GC: variants seen among roughly 807,000 people sequenced by gnomAD.
The protein encoded by GC is vitamin D-binding protein.
In GC, 43 loss-of-function variants were observed where a neutral mutation model predicts 56.7. That is an observed-to-expected ratio of 0.76 (90% CI 0.59 to 0.98). The LOEUF is 0.98. GC is among the 50% of genes least tolerant of loss of function. The pLI, the probability that GC is intolerant of heterozygous loss-of-function variation, is 0.00. For synonymous variants in GC, 216 were observed against 202.7 expected (o/e 1.07, Z -0.56); for missense variants, 529 against 545.9 (o/e 0.97, Z 0.31).
chr4:71,761,230 G>A (rs1325625605), intron 6 of GC, among the ~76,000 whole-genome samples: 1 of 152,204 alleles, frequency 6.6e-6, no homozygotes. Flanking sequence ...GGGAACTGGA[G>A]CAAAGGTGAC....
At chr4:71,787,043 A>G (rs1329133592), upstream of GC, among the ~76,000 whole-genome samples, 1 of 151,890 alleles carries the variant, frequency 6.6e-6, no homozygotes, top group Admixed American at 6.6e-5. Context: ...GCTATGATTG[A>G]CTTCCATGAG....
In GC at chr4:71,763,475, G is replaced by C. The variant is rs759177236; in HGVS notation, c.634C>G (p.Leu212Val). 5 of 1,603,578 alleles carry C rather than the reference G, an allele frequency of 3.1e-6. No individual in the cohort carries two copies. Among genetic ancestry groups the C allele is most frequent in the Non-Finnish European group, 4.3e-6 (5 of 1,170,838 alleles). Residue 212 changes from leucine to valine, a missense_variant, in exon 6 of 13, where the codon CTC (leucine) becomes GTC (valine). Leu to Val is a conservative substitution (Grantham distance 32, BLOSUM62 1). Coordinates refer to ENST00000273951, the MANE Select transcript of GC (RefSeq NM_000583.4). ...CAGACTCTATTTGACAGAGTGGTGA[G>C]AAGTGATAAATGTTTAAGCTGGAGT... ...ERLQLKHLSL[L>V]TTLSNRVCSQ...
At chr4:71,760,689 C>A (rs1426581836) in intron 6 of GC, among the ~76,000 whole-genome samples, 1 of 152,150 alleles carries the variant, frequency 6.6e-6, no homozygotes, top group Non-Finnish European at 1.5e-5. Flanking sequence ...GTGGGAGAAA[C>A]CTGGTGGGAG....
chr4:71,746,279 A>G (rs1741360609), intron 11 of GC, 74 bp from the exon 12 acceptor site: 1 of 686,236 alleles, frequency 1.5e-6, no homozygotes, highest in African/African-American at 1.9e-5. Context: ...TGCAGAAGGT[A>G]TACAAAATCT....
At chr4:71,783,845 C>T in intron 1 of GC, 116 bp downstream of exon 1, 1 of 679,282 alleles carries the variant, frequency 1.5e-6, no homozygotes, top group Middle Eastern at 3.1e-4. Flanking sequence ...TTATCCCTCT[C>T]CCCAACATAT....
At chr4:71,797,409 C>G (rs1373307640) in intron 1 of GC, among the ~76,000 whole-genome samples, 1 of 152,262 alleles carries the variant, frequency 6.6e-6, no homozygotes, top group Non-Finnish European at 1.5e-5. Flanking sequence ...GACACCCCTC[C>G]TCCCGCTCAG....
chr4:71,782,897 T>C (rs555881129), intron 1 of GC, among the ~76,000 whole-genome samples: 1 of 151,680 alleles, frequency 6.6e-6, no homozygotes, highest in African/African-American at 2.4e-5. Context: ...TTTTATACCC[T>C]ATGCTGTCTG....
intron 11 of GC, among the ~76,000 whole-genome samples, chr4:71,746,804 AT>A (rs1277632236): frequency 7.0e-6 from 1 of 141,980 alleles, no homozygotes; most frequent in East Asian, 2.1e-4. Flanking sequence ...AACTACTTTA[AT>A]TTGGAGGCAA....
Position 71,768,395 on chromosome 4 carries a change from G to C in GC, c.167C>G (p.Thr56Arg). Residue 56 changes from threonine (T) to arginine (R), a missense_variant, in exon 3 of 13, where the codon ACG becomes AGG. Transcript: ENST00000273951. Reference protein sequence around the residue: ...VLYSRKFPSGTFEQVSQLVKE... With the variant: ...VLYSRKFPSGRFEQVSQLVKE... ...CACAAGTTGGCTGACCTGTTCAAAC[G>C]TGCCACTGGGAAATTTTCTACTGTA... 1 of 1,613,264 alleles carries C rather than the reference G, an allele frequency of 6.2e-7. No homozygotes were observed. The highest frequency in any genetic ancestry group is 1.7e-5 in the Admixed American group (1 of 59,954).
Position 71,755,036 on chromosome 4 carries a change from A to C in GC, c.1106T>G (p.Leu369Arg). ...ATCACAGCATTCACCAAGGCTTTTT[A>C]GGGTTGGCTCAAGTACCTTACTGAG... ...VFLSKVLEPTLKSLGECCDVE... is the reference protein window; with the variant it reads ...VFLSKVLEPTRKSLGECCDVE... The change falls in exon 9 of 13, where the codon CTA becomes CGA. Residue 369 changes from leucine (L) to arginine (R), a missense_variant. Physicochemically the swap from Leu to Arg is moderately radical, Grantham distance 102. Coordinates refer to ENST00000273951, the MANE Select transcript of GC (RefSeq NM_000583.4). 2 of 1,600,786 alleles carry C rather than the reference A, an allele frequency of 1.2e-6. No individual in the cohort carries two copies. Among genetic ancestry groups the C allele is most frequent in the Non-Finnish European group, 1.7e-6 (2 of 1,172,052 alleles).
At chr4:71,760,126 CT>C (rs1301188324) in intron 6 of GC, among the ~76,000 whole-genome samples, 2 of 150,002 alleles carry the variant, frequency 1.3e-5, no homozygotes, top group African/African-American at 4.9e-5. Flanking sequence ...TTACTGCAAG[CT>C]CTGCCTCCCA....
At chr4:71,756,306 C>T (rs960755666) in intron 8 of GC, among the ~76,000 whole-genome samples, 2 of 152,134 alleles carry the variant, frequency 1.3e-5, no homozygotes, top group African/African-American at 4.8e-5. Context: ...TATGTGTTTT[C>T]ACATTTACTT....
intron 1 of GC, among the ~76,000 whole-genome samples, chr4:71,799,382 C>G (rs1200944176): frequency 2.0e-5 from 3 of 152,160 alleles, no homozygotes; most frequent in Non-Finnish European, 1.5e-5. Flanking sequence ...CCTTTCTTCT[C>G]CTGCCCTCAC....
intron 9 of GC, 62 bp from the exon 10 acceptor site, chr4:71,754,570 C>T (rs1198180103): frequency 3.4e-6 from 3 of 872,928 alleles, no homozygotes; most frequent in Admixed American, 4.6e-5. Context: ...CCCATCAAGC[C>T]ATTAAATCAA....
At chr4:71,795,388 A>C (rs1743072551) in intron 1 of GC, among the ~76,000 whole-genome samples, 1 of 152,148 alleles carries the variant, frequency 6.6e-6, no homozygotes, top group South Asian at 2.1e-4. Context: ...CTTCTTATTG[A>C]GTTAATACCT....
intron 1 of GC, among the ~76,000 whole-genome samples, chr4:71,770,555 C>T (rs222020): frequency 0.73 from 110,312 of 151,872 alleles, 42,344 homozygotes; most frequent in South Asian, 0.85. Context: ...CACCATGCTG[C>T]CCATTGAATT....
At chr4:71,783,687 T>G (rs1243927655) in intron 1 of GC, among the ~76,000 whole-genome samples, 1 of 151,724 alleles carries the variant, frequency 6.6e-6, no homozygotes, top group Non-Finnish European at 1.5e-5. Context: ...CTCTAGGTCT[T>G]GCTTATCAAC....
intron 8 of GC, among the ~76,000 whole-genome samples, chr4:71,756,309 AT>A (rs1236283634): frequency 6.6e-6 from 1 of 152,208 alleles, no homozygotes; most frequent in African/African-American, 2.4e-5. Flanking sequence ...GTGTTTTCAC[AT>A]TTACTTTCAC....
At chr4:71,769,646 G>GT in intron 1 of GC, 1 of 390,088 alleles carries the variant, frequency 2.6e-6, no homozygotes, top group Non-Finnish European at 4.8e-6. Flanking sequence ...AATACTGAAC[G>GT]TAAGTGAGTC....
Sources: allele counts gnomAD v4.1 joint callset (sites outside exome capture counted in the v4.1 genomes callset), GRCh38; gene constraint gnomAD v4.1.1; transcripts MANE v1.5; gene names NCBI Gene and HGNC (gene_info 2026-07-23, HGNC 2026-07-21).